The following WDR41 variants were observed in gnomAD, a reference collection of about 807,000 sequenced individuals.
WDR41 encodes the protein WD repeat domain 41, also known as WD repeat-containing protein 41.
A neutral mutation model predicts 69.3 loss-of-function variants in WDR41; 63 were observed. That is an observed-to-expected ratio of 0.91 (90% CI 0.74 to 1.12). The LOEUF is 1.12. WDR41 is among the 50% of genes most tolerant of loss of function. The probability of loss-of-function intolerance (pLI) is 0.00; values close to 1 mark genes in which losing one functional copy is unlikely to be tolerated. For missense variants in WDR41, 543 were observed against 534.5 expected (o/e 1.02, Z -0.16); for synonymous variants, 185 against 192.1 (o/e 0.96, Z 0.31).
At chr5:77,559,530 A>G (rs1743480516) in intron 1 of WDR41, among the ~76,000 whole-genome samples, 2 of 152,020 alleles carry the variant, frequency 1.3e-5, no homozygotes, top group Admixed American at 6.6e-5. Flanking sequence ...AGTAGATGAC[A>G]GAATTCAATA....
chr5:77,603,977 C>T (rs933107908), intron 1 of WDR41, among the ~76,000 whole-genome samples: 1 of 152,258 alleles, frequency 6.6e-6, no homozygotes, highest in East Asian at 1.9e-4. Flanking sequence ...ATTAATAGAG[C>T]TTTGCAATAT....
At chr5:77,446,556 T>C (rs993990130) in intron 8 of WDR41, among the ~76,000 whole-genome samples, 2 of 152,056 alleles carry the variant, frequency 1.3e-5, no homozygotes, top group Non-Finnish European at 2.9e-5. Flanking sequence ...CAAAACAACA[T>C]GGAATTGGTA....
At chr5:77,515,274 G>A (rs1802276581) in intron 1 of WDR41, among the ~76,000 whole-genome samples, 1 of 151,844 alleles carries the variant, frequency 6.6e-6, no homozygotes, top group South Asian at 2.1e-4. Context: ...CTTTTTAAAT[G>A]TTTTTGTTAA....
chr5:77,583,025 G>A (rs1338494308), intron 1 of WDR41: 6 of 1,598,082 alleles, frequency 3.8e-6, no homozygotes, highest in Admixed American at 3.3e-5. Flanking sequence ...TCTTCTCCAC[G>A]AGGTGGAATG....
At chr5:77,471,991 T>C (rs1800641569) in intron 2 of WDR41, among the ~76,000 whole-genome samples, 1 of 152,134 alleles carries the variant, frequency 6.6e-6, no homozygotes, top group South Asian at 2.1e-4. Context: ...TTTAGACCAA[T>C]AACCCTGATG....
intron 1 of WDR41, among the ~76,000 whole-genome samples, chr5:77,611,741 C>T (rs1744556645): frequency 6.6e-6 from 1 of 150,980 alleles, no homozygotes; most frequent in Non-Finnish European, 1.5e-5. Context: ...ACTAGAAAAG[C>T]AAGAGCAAAC....
chr5:77,596,939 G>A (rs1431209080), intron 1 of WDR41, among the ~76,000 whole-genome samples: 7 of 151,852 alleles, frequency 4.6e-5, no homozygotes, highest in African/African-American at 1.2e-4. Flanking sequence ...GCAACATGGC[G>A]AAACCCCATT....
chr5:77,481,031 T>C (rs1302200151), intron 2 of WDR41, among the ~76,000 whole-genome samples: 2 of 151,100 alleles, frequency 1.3e-5, no homozygotes, highest in Admixed American at 6.6e-5. Context: ...CTGGGTTGTT[T>C]TTTTTTTTGA....
At chr5:77,599,953 C>T (rs1176765473) in intron 1 of WDR41, among the ~76,000 whole-genome samples, 2 of 152,180 alleles carry the variant, frequency 1.3e-5, no homozygotes, top group Non-Finnish European at 2.9e-5. Flanking sequence ...ACAAGTTCAT[C>T]GAGAAACTCC....
intron 1 of WDR41, among the ~76,000 whole-genome samples, chr5:77,597,594 T>C (rs530101551): frequency 6.6e-6 from 1 of 152,196 alleles, no homozygotes; most frequent in Non-Finnish European, 1.5e-5. Context: ...GATCACCCAA[T>C]ATCATATACC....
intron 1 of WDR41, among the ~76,000 whole-genome samples, chr5:77,611,053 C>A (rs1744538934): frequency 6.6e-6 from 1 of 151,884 alleles, no homozygotes; most frequent in African/African-American, 2.4e-5. Context: ...TCAAAAGAGA[C>A]AAACAAGGCC....
At chr5:77,437,868 CACA>C (rs1425022055) in intron 10 of WDR41, among the ~76,000 whole-genome samples, 1 of 152,116 alleles carries the variant, frequency 6.6e-6, no homozygotes, top group Non-Finnish European at 1.5e-5. Context: ...AGTAGCCTCA[CACA>C]ACAAGGAGAC....
At chr5:77,526,376 ATAACCAAT>A (rs1561215042) in intron 1 of WDR41, among the ~76,000 whole-genome samples, 3 of 152,074 alleles carry the variant, frequency 2.0e-5, no homozygotes, top group Non-Finnish European at 1.5e-5. Flanking sequence ...ATATCATCTA[ATAACCAAT>A]GTTCAAGTTT....
chr5:77,481,219 A>T (rs1485993535), intron 2 of WDR41, among the ~76,000 whole-genome samples: 2 of 152,058 alleles, frequency 1.3e-5, no homozygotes, highest in African/African-American at 2.4e-5. Flanking sequence ...CATGTTGGGC[A>T]GGCTGGTCTC....
chr5:77,617,683 G>A (rs1301266448), intron 1 of WDR41, among the ~76,000 whole-genome samples: 1 of 152,112 alleles, frequency 6.6e-6, no homozygotes, highest in Non-Finnish European at 1.5e-5. Flanking sequence ...AAAATATTAG[G>A]TAGGTACGTG....
chr5:77,526,075 CA>C (rs1802441925), intron 1 of WDR41, among the ~76,000 whole-genome samples: 1 of 152,042 alleles, frequency 6.6e-6, no homozygotes, highest in Non-Finnish European at 1.5e-5. Flanking sequence ...TTATTCCTTA[CA>C]AAAAATTATT....
chr5:77,578,754 C>T (rs1743880154), intron 1 of WDR41, among the ~76,000 whole-genome samples: 1 of 150,952 alleles, frequency 6.6e-6, no homozygotes, highest in Non-Finnish European at 1.5e-5. Flanking sequence ...ATCCCAGCTA[C>T]TCAGGAGGCT....
At chr5:77,485,728 C>T (rs1373868794) in intron 2 of WDR41, among the ~76,000 whole-genome samples, 1 of 152,056 alleles carries the variant, frequency 6.6e-6, no homozygotes, top group Non-Finnish European at 1.5e-5. Context: ...ACGACCCTCA[C>T]TTCATGTTCA....
chr5:77,532,682 A>G (rs1802545718), intron 1 of WDR41, among the ~76,000 whole-genome samples: 1 of 152,134 alleles, frequency 6.6e-6, no homozygotes, highest in Non-Finnish European at 1.5e-5. Flanking sequence ...TAAACATAAT[A>G]GCAAATGAAA....
Sources: allele counts gnomAD v4.1 joint callset (sites outside exome capture counted in the v4.1 genomes callset), GRCh38; gene constraint gnomAD v4.1.1; transcripts MANE v1.5; gene names NCBI Gene and HGNC (gene_info 2026-07-23, HGNC 2026-07-21).